FCGR2A: variants seen among roughly 807,000 people sequenced by gnomAD.
FCGR2A encodes the protein Fc gamma receptor IIa.
A neutral mutation model predicts 29.3 loss-of-function variants in FCGR2A; 18 were observed. The observed-to-expected ratio is 0.62, with a 90% confidence interval of 0.43 to 0.91. The LOEUF is 0.91. FCGR2A is among the 40% of genes least tolerant of loss of function. The probability of loss-of-function intolerance (pLI) is 0.00; values close to 1 mark genes in which losing one functional copy is unlikely to be tolerated. For missense variants in FCGR2A, 287 were observed against 393.0 expected, an observed-to-expected ratio of 0.73 and a Z score of 2.28; for synonymous variants, 126 against 144.8, an observed-to-expected ratio of 0.87 and a Z score of 0.93.
At chr1:161,509,479 C>T (rs1675622365) in intron 3 of FCGR2A, among the ~76,000 whole-genome samples, 1 of 152,090 alleles carries the variant, frequency 6.6e-6, no homozygotes, top group Admixed American at 6.5e-5. Context: ...ATTAGTAATC[C>T]CCAGACCACA....
At chr1:161,523,908 C>A (rs1349069566), downstream of FCGR2A, 3 of 152,120 alleles carry the variant, frequency 2.0e-5, no homozygotes, top group East Asian at 3.8e-4. Flanking sequence ...TACCACTGAA[C>A]CACCAATGCT....
At chr1:161,510,713 A>G in intron 4 of FCGR2A, 121 bp from the exon 5 acceptor site, 2 of 1,293,680 alleles carry the variant, frequency 1.5e-6, no homozygotes, top group Non-Finnish European at 2.2e-6. Context: ...CAGACACAGA[A>G]GAGCTTCAGG....
chr1:161,512,676 A>G (rs1378450953), intron 5 of FCGR2A, among the ~76,000 whole-genome samples: 4 of 151,850 alleles, frequency 2.6e-5, no homozygotes, highest in Non-Finnish European at 5.9e-5. Flanking sequence ...GACAGTAGGA[A>G]CAGGCAGGAA....
chr1:161,522,515 A>G (rs1676493931), downstream of FCGR2A, among the ~76,000 whole-genome samples: 1 of 152,036 alleles, frequency 6.6e-6, no homozygotes, highest in South Asian at 2.1e-4. Context: ...CAGCCCCTTA[A>G]CACGCCGGGG....
chr1:161,506,235 T>G, intron 2 of FCGR2A, 99 bp from the exon 3 acceptor site: 1 of 1,483,970 alleles, frequency 6.7e-7, no homozygotes. Context: ...ACATCTACAA[T>G]AGGACTCTTG....
At chr1:161,521,098 G>C (rs1451999660), downstream of FCGR2A, among the ~76,000 whole-genome samples, 3 of 148,586 alleles carry the variant, frequency 2.0e-5, no homozygotes, top group Non-Finnish European at 4.5e-5. Flanking sequence ...TGATCATTCG[G>C]TATAACCTGT....
chr1:161,513,755 C>T (rs1356262835), intron 5 of FCGR2A, 140 bp from the exon 6 acceptor site: 13 of 1,227,688 alleles, frequency 1.1e-5, no homozygotes, highest in Non-Finnish European at 1.5e-5. Context: ...ATTTACTTAG[C>T]CCTTGGCCTT....
chr1:161,507,269 C>T (rs1675476489), intron 3 of FCGR2A, among the ~76,000 whole-genome samples: 1 of 152,104 alleles, frequency 6.6e-6, no homozygotes, highest in African/African-American at 2.4e-5. Context: ...CAGGCACACA[C>T]CACCATGCCA....
chr1:161,508,637 TTAAA>T (rs1675577445), intron 3 of FCGR2A, among the ~76,000 whole-genome samples: 2 of 151,938 alleles, frequency 1.3e-5, no homozygotes, highest in African/African-American at 4.8e-5. Flanking sequence ...GAATTTTTAT[TTAAA>T]TAAGATCGAA....
In FCGR2A at chr1:161,509,967, C is replaced by A. The variant is rs770453527; in HGVS notation, c.512C>A (p.Thr171Asn). ...CAGAAATTCTCCCATTTGGATCCCA[C>A]CTTCTCCATCCCACAAGCAAACCAC... ...KSQKFSHLDP[T>N]FSIPQANHSH... is the part of the protein sequence containing the mutation. Residue 171 changes from threonine (T) to asparagine (N), a missense_variant, in exon 4 of 7, where the codon ACC becomes AAC. Coordinates refer to ENST00000271450, the MANE Select transcript of FCGR2A (RefSeq NM_001136219.3). The A allele has an allele frequency of 7.4e-6, 12 of 1,613,848 alleles. No homozygotes were observed. Among genetic ancestry groups the A allele is most frequent in the African/African-American group, 6.7e-5 (5 of 74,912 alleles).
At chr1:161,521,501 T>TTATA (rs11414193), downstream of FCGR2A, among the ~76,000 whole-genome samples, 73,301 of 150,702 alleles carry the variant, frequency 0.49, 18,382 homozygotes, top group African/African-American at 0.62. Flanking sequence ...TCACTGACTT[T>TTATA]TATATATATA....
intron 6 of FCGR2A, among the ~76,000 whole-genome samples, chr1:161,516,105 T>A (rs1039210479): frequency 2.6e-5 from 4 of 152,078 alleles, no homozygotes; most frequent in African/African-American, 9.7e-5. Flanking sequence ...AATAAGCTCA[T>A]GTTGTCTGCT....
chr1:161,505,678 G>A (rs530369256), intron 1 of FCGR2A, 126 bp downstream of exon 1: 1 of 824,928 alleles, frequency 1.2e-6, no homozygotes, highest in Non-Finnish European at 2.1e-6. Context: ...GAGGAGAGAG[G>A]ACCCTGAATT....
chr1:161,519,942 G>A (rs1258097410), downstream of FCGR2A: 1 of 151,992 alleles, frequency 6.6e-6, no homozygotes. Context: ...TCTCAGAGAA[G>A]TCATTCCAGG....
chr1:161,517,506 A>G (rs2102488265), intron 6 of FCGR2A, among the ~76,000 whole-genome samples: 1 of 152,318 alleles, frequency 6.6e-6, no homozygotes, highest in South Asian at 2.1e-4. Flanking sequence ...GAATAGGAAA[A>G]CAGAATAATA....
chr1:161,510,976 C>G lies in FCGR2A; in HGVS notation c.742+20C>G. 6.2e-7 allele frequency: 1 copy of G among 1,614,034 alleles called. No individual in the cohort carries two copies. The highest frequency in any genetic ancestry group is 8.5e-7 in the Non-Finnish European group (1 of 1,179,924). ...TTTCAGGTTTGTAGCTCCTCCCAGTCCCTTTTGTTATCAGTTTCCATTTGG... is the reference window on the plus strand; with the variant it reads ...TTTCAGGTTTGTAGCTCCTCCCAGTGCCTTTTGTTATCAGTTTCCATTTGG... On this transcript the variant is annotated intron_variant, in intron 5 of 6. Transcript: ENST00000271450.
intron 3 of FCGR2A, among the ~76,000 whole-genome samples, chr1:161,508,587 CAA>C (rs10648106): frequency 9.1e-5 from 8 of 88,378 alleles, no homozygotes; most frequent in Non-Finnish European, 6.9e-5. Flanking sequence ...AACTCCATCT[CAA>C]AAAAAAAAAA....
rs1224632935 is a variant in FCGR2A at position 161,509,916 on chromosome 1, T to C, written c.461T>C (p.Val154Ala). 6.2e-7 allele frequency: 1 copy of C among 1,614,166 alleles called. No individual in the cohort carries two copies. The highest frequency in any genetic ancestry group is 1.1e-5 in the South Asian group (1 of 91,088). Residue 154 changes from valine (V) to alanine (A), a missense_variant, in exon 4 of 7, where the codon GTC (valine) becomes GCC (alanine). Val to Ala is a moderately conservative substitution (Grantham distance 64). This residue lies in a region of FCGR2A where 181 missense variants were observed against 250.9 expected (regional missense o/e 0.72). Coordinates refer to ENST00000271450, the MANE Select transcript of FCGR2A (RefSeq NM_001136219.3). ...HSWKDKPLVK[V>A]TFFQNGKSQK... ...TGGAAGGACAAGCCTCTGGTCAAGG[T>C]CACATTCTTCCAGAATGGAAAATCC...
chr1:161,515,048 A>G (rs1417918831), intron 6 of FCGR2A, among the ~76,000 whole-genome samples: 13 of 152,280 alleles, frequency 8.5e-5, no homozygotes, highest in African/African-American at 3.1e-4. Context: ...GAGATGACTT[A>G]AAGTTGCAAT....
Sources: allele counts gnomAD v4.1 joint callset (sites outside exome capture counted in the v4.1 genomes callset), GRCh38; gene constraint gnomAD v4.1.1; regional missense constraint gnomAD v4.1.1; transcripts MANE v1.5; gene names NCBI Gene and HGNC (gene_info 2026-07-23, HGNC 2026-07-21).